The following ZNF726 variants were observed in gnomAD, a reference collection of about 807,000 sequenced individuals.
ZNF726 encodes the protein zinc finger protein 92 pseudogene 3.
Under a neutral mutation model 11.6 loss-of-function variants are expected in ZNF726, and 15 were observed. The ratio of observed to expected loss-of-function variants is 1.29; its 90% confidence interval spans 0.86 to 1.99. The LOEUF (loss-of-function observed/expected upper bound fraction) is 1.99, where lower values mean the gene tolerates loss of function less well. ZNF726 is among the 30% of genes most tolerant of loss of function. The pLI is 0.00. For missense variants in ZNF726, 890 were observed against 725.6 expected (o/e 1.23, Z -2.60); for synonymous variants, 295 against 243.6 (o/e 1.21, Z -1.96).
At chr19:23,939,733 G>A (rs929364717) in intron 3 of ZNF726, among the ~76,000 whole-genome samples, 9 of 152,082 alleles carry the variant, frequency 5.9e-5, no homozygotes, top group Non-Finnish European at 1.2e-4. Context: ...GAATAAGGTG[G>A]TATGGCATTG....
chr19:23,918,594 T>C (rs1291528737), intron 1 of ZNF726, among the ~76,000 whole-genome samples: 1 of 152,198 alleles, frequency 6.6e-6, no homozygotes, highest in Non-Finnish European at 1.5e-5. Context: ...TATAAAGACT[T>C]GTCCTAGTGC....
downstream of ZNF726, chr19:23,935,668 C>G (rs551025108): frequency 3.4e-6 from 1 of 294,194 alleles, no homozygotes; most frequent in Non-Finnish European, 6.7e-6. Flanking sequence ...TGTTGCACTT[C>G]ATTGTATGTA....
Position 23,914,947 on chromosome 19 carries a change from G to A in ZNF726, c.-48G>A. ...CACTACTCTGTGTCTTCTGCTTTTA[G>A]GGGCGCAGCCTCTGTGGCCCTGTGA... is the stretch of plus-strand genomic sequence containing the variant. On this transcript the variant is annotated 5_prime_UTR_variant, in exon 1 of 4. Coordinates refer to ENST00000594466, the MANE Select transcript of ZNF726 (RefSeq NM_001244038.2). The A allele has an allele frequency of 6.2e-7, 1 of 1,612,880 alleles. No individual in the cohort carries two copies. Among genetic ancestry groups the A allele is most frequent in the Non-Finnish European group, 8.5e-7 (1 of 1,179,816 alleles).
intron 4 of ZNF726, chr19:23,944,349 A>C: frequency 6.6e-6 from 1 of 152,204 alleles, no homozygotes; most frequent in East Asian, 1.9e-4. Context: ...ATAATAAACT[A>C]TTTTTCTTTG....
At chr19:23,915,103 T>C (rs546850628) in intron 1 of ZNF726, 106 bp downstream of exon 1, 1 of 1,555,478 alleles carries the variant, frequency 6.4e-7, no homozygotes, top group East Asian at 2.2e-5. Flanking sequence ...AGTTTTACAA[T>C]CTGCGCCCGA....
intron 3 of ZNF726, among the ~76,000 whole-genome samples, chr19:23,941,671 G>T (rs574142981): frequency 3.3e-5 from 5 of 151,940 alleles, no homozygotes; most frequent in Non-Finnish European, 7.4e-5. Flanking sequence ...TCTGTTCAGG[G>T]TATCTAATTC....
rs1455666915 is a variant in ZNF726 at position 23,934,332 on chromosome 19, A to T, written c.*365A>T. 3 of 568,602 alleles carry T rather than the reference A, an allele frequency of 5.3e-6. No homozygotes were observed. The highest frequency in any genetic ancestry group is 1.0e-5 in the Non-Finnish European group (3 of 286,818). The allele number at this position is 568,602 out of a possible 1,614,324, so 35.2% of individuals were successfully genotyped here. Reference sequence around the variant, plus strand: ...TGTGAGGAATGTGGCAAAGCCTTTAAATGTTCCTCAACTGTTACTGAACAT... The same window carrying T: ...TGTGAGGAATGTGGCAAAGCCTTTATATGTTCCTCAACTGTTACTGAACAT... On this transcript the variant is annotated 3_prime_UTR_variant, in exon 4 of 4. Transcript: ENST00000594466.
rs1000329483 is a variant in ZNF726, at chr19:23,931,624, G to T, written c.227-719G>T. On this transcript the variant is annotated intron_variant, in intron 3 of 3. Transcript: ENST00000594466. ...ATCTACCTGTCAAAATTTTTATAAT[G>T]TGGCTTTGTCCTGGCATAGTCTGAA... 3.3e-5 allele frequency among the ~76,000 whole-genome samples: 5 copies of T among 152,066 alleles called. No individual in the cohort carries two copies. The South Asian group carries it at 1.0e-3, about 31-fold the overall frequency.
At position 23,932,424 on chromosome 19, in the gene ZNF726, T is replaced by G; in HGVS notation, c.308T>G (p.Phe103Cys). 1 of 1,563,408 alleles carries G rather than the reference T, an allele frequency of 6.4e-7. No homozygotes were observed. The highest frequency in any genetic ancestry group is 1.3e-5 in the South Asian group (1 of 79,666). The change falls in exon 4 of 4, where the codon TTT becomes TGT. Residue 103 changes from phenylalanine to cysteine, a missense_variant. Coordinates refer to ENST00000594466, the MANE Select transcript of ZNF726 (RefSeq NM_001244038.2). ...DSFQKVILRR[F>C]EKCGHENLQL... Reference sequence around the variant, plus strand: ...TTTCAAAAAGTAATACTAAGAAGATTTGAAAAATGTGGACATGAGAATTTA... The same window carrying G: ...TTTCAAAAAGTAATACTAAGAAGATGTGAAAAATGTGGACATGAGAATTTA...
At chr19:23,922,065 A>C (rs1396535857) in intron 3 of ZNF726, among the ~76,000 whole-genome samples, 1 of 152,204 alleles carries the variant, frequency 6.6e-6, no homozygotes, top group East Asian at 1.9e-4. Context: ...TTTGTAGTGA[A>C]GAGGGGTTGT....
chr19:23,923,122 A>G (rs963890524), intron 3 of ZNF726, among the ~76,000 whole-genome samples: 2 of 152,166 alleles, frequency 1.3e-5, no homozygotes, highest in Admixed American at 6.5e-5. Flanking sequence ...TTGTCAGCCT[A>G]TAACTAAATA....
In ZNF726 at chr19:23,925,294, A is replaced by G. The variant is rs571657941; in HGVS notation, c.226+5212A>G. Among the ~76,000 whole-genome samples, 3 of 152,314 alleles carry G rather than the reference A, an allele frequency of 2.0e-5. No homozygotes were observed. The South Asian group carries it at 6.2e-4, about 32-fold the overall frequency. On this transcript the variant is annotated intron_variant, in intron 3 of 3. Coordinates refer to ENST00000594466, the MANE Select transcript of ZNF726 (RefSeq NM_001244038.2). ...TTATTTAATAATTTATATTATTTGA[A>G]GTACATTTATAACATTATAAAATAA...
chr19:23,936,315 C>T (rs977026703), downstream of ZNF726: 3 of 152,016 alleles, frequency 2.0e-5, no homozygotes, highest in Non-Finnish European at 2.9e-5. Context: ...AACTAAAGTT[C>T]GTGTAAACAT....
chr19:23,924,388 C>G (rs1343869233), intron 3 of ZNF726, among the ~76,000 whole-genome samples: 1 of 151,962 alleles, frequency 6.6e-6, no homozygotes, highest in Non-Finnish European at 1.5e-5. Flanking sequence ...TTTATCTTGT[C>G]TAAGTTAGTA....
intron 3 of ZNF726, 95 bp downstream of exon 3, chr19:23,920,177 A>G: frequency 1.2e-6 from 1 of 856,322 alleles, no homozygotes; most frequent in South Asian, 1.5e-5. Flanking sequence ...CTGCATTCCA[A>G]AGGAAACCGT....
intron 3 of ZNF726, among the ~76,000 whole-genome samples, chr19:23,940,489 A>G (rs1408812821): frequency 6.6e-6 from 1 of 151,758 alleles, no homozygotes; most frequent in Non-Finnish European, 1.5e-5. Flanking sequence ...TGTGGGCTCT[A>G]TATGAATGTT....
chr19:23,931,922 A>T (rs574835220), intron 3 of ZNF726, among the ~76,000 whole-genome samples: 12 of 152,192 alleles, frequency 7.9e-5, no homozygotes, highest in Non-Finnish European at 1.0e-4. Context: ...GACAGAAAAC[A>T]GTGTCCAAAA....
At chr19:23,923,567 C>T (rs900387352) in intron 3 of ZNF726, 16 of 178,820 alleles carry the variant, frequency 8.9e-5, no homozygotes, top group African/African-American at 2.4e-4. Flanking sequence ...GCCGACACCG[C>T]GCTTGGCTAA....
At chr19:23,941,214 T>C (rs969649667) in intron 3 of ZNF726, among the ~76,000 whole-genome samples, 2 of 152,294 alleles carry the variant, frequency 1.3e-5, no homozygotes, top group Middle Eastern at 6.8e-3. Flanking sequence ...GTCAAATGGT[T>C]TTTCTGCATC....
Sources: allele counts gnomAD v4.1 joint callset (sites outside exome capture counted in the v4.1 genomes callset), GRCh38; gene constraint gnomAD v4.1.1; transcripts MANE v1.5; gene names NCBI Gene and HGNC (gene_info 2026-07-23, HGNC 2026-07-21).